ZYG11B: variants seen among roughly 807,000 people sequenced by gnomAD.
ZYG11B encodes the protein zyg-11 family member B, cell cycle regulator.
ZYG11B carries 36 observed loss-of-function variants against 82.4 expected under a neutral mutation model. The observed-to-expected ratio is 0.44, with a 90% CI of 0.33 to 0.58. ZYG11B has a LOEUF of 0.58. Among genes scored for constraint, ZYG11B ranks in the 20% least tolerant of loss-of-function variants. The pLI, the probability that ZYG11B is intolerant of heterozygous loss-of-function variation, is 0.02. For synonymous variants in ZYG11B, 303 were observed against 312.8 expected (o/e 0.97, Z 0.33); for missense variants, 552 against 895.6 (o/e 0.62, Z 4.90).
intron 6 of ZYG11B, among the ~76,000 whole-genome samples, chr1:52,794,725 G>A (rs1644993307): frequency 6.6e-6 from 1 of 152,030 alleles, no homozygotes; most frequent in African/African-American, 2.4e-5. Flanking sequence ...TGAAACTGTG[G>A]GTAAGATAAT....
intron 12 of ZYG11B, among the ~76,000 whole-genome samples, chr1:52,814,416 G>GT: frequency 6.6e-6 from 1 of 152,210 alleles, no homozygotes; most frequent in East Asian, 1.9e-4. Flanking sequence ...TTGAAGACAA[G>GT]TGCTAGGAAT....
intron 1 of ZYG11B, among the ~76,000 whole-genome samples, chr1:52,729,601 G>C (rs989121950): frequency 1.3e-5 from 2 of 152,220 alleles, no homozygotes; most frequent in Admixed American, 1.3e-4. Context: ...ATTAGGTTGT[G>C]TTTGAATAGT....
chr1:52,743,822 A>G (rs138689802), intron 1 of ZYG11B, among the ~76,000 whole-genome samples: 1 of 152,188 alleles, frequency 6.6e-6, no homozygotes, highest in African/African-American at 2.4e-5. Context: ...TCACTGATTC[A>G]ACTGATATAT....
chr1:52,797,203 TATATATA>T (rs1285707752), intron 8 of ZYG11B, among the ~76,000 whole-genome samples: 380 of 80,414 alleles, frequency 4.7e-3, no homozygotes, highest in Non-Finnish European at 7.0e-3. Context: ...ATAAATTATT[TATATATA>T]ATATATAAAT....
chr1:52,752,282 A>G (rs1167322619), intron 1 of ZYG11B, among the ~76,000 whole-genome samples: 6 of 152,184 alleles, frequency 3.9e-5, no homozygotes, highest in East Asian at 1.9e-4. Context: ...TAAAGGATAC[A>G]AATGAACAGC....
At chr1:52,768,749 A>T (rs1373574912) in intron 2 of ZYG11B, among the ~76,000 whole-genome samples, 1 of 151,750 alleles carries the variant, frequency 6.6e-6, no homozygotes, top group African/African-American at 2.4e-5. Context: ...GCGCACCACC[A>T]CACCCATTTA....
intron 3 of ZYG11B, among the ~76,000 whole-genome samples, chr1:52,773,619 A>C (rs1644775241): frequency 4.2e-5 from 1 of 23,846 alleles, no homozygotes; most frequent in African/African-American, 1.3e-4. Context: ...ATATATATAT[A>C]TATATATATT....
At chr1:52,818,998 T>G (rs533758203) in intron 13 of ZYG11B, among the ~76,000 whole-genome samples, 24 of 152,132 alleles carry the variant, frequency 1.6e-4, no homozygotes, top group Non-Finnish European at 2.5e-4. Flanking sequence ...TTCACAATTT[T>G]GGCCAGACTG....
chr1:52,783,891 T>TACACGTGTGTGTGTATGTACAG (rs1644884636), intron 4 of ZYG11B, among the ~76,000 whole-genome samples: 2 of 129,630 alleles, frequency 1.5e-5, no homozygotes, highest in Admixed American at 7.5e-5. Context: ...TATATGTACA[T>TACACGTGTGTGTGTATGTACAG]ACACGTGTGT....
chr1:52,743,427 A>G (rs1005706273), intron 1 of ZYG11B, among the ~76,000 whole-genome samples: 5 of 138,684 alleles, frequency 3.6e-5, no homozygotes, highest in African/African-American at 7.9e-5. Flanking sequence ...AAAAAAAAGT[A>G]AAAGTTCATA....
intron 4 of ZYG11B, among the ~76,000 whole-genome samples, chr1:52,781,388 A>G (rs1342784122): frequency 6.6e-6 from 1 of 152,194 alleles, no homozygotes; most frequent in Non-Finnish European, 1.5e-5. Context: ...AGTCCCAGCT[A>G]CATGGGACAC....
chr1:52,729,816 CT>C (rs1019983074), intron 1 of ZYG11B, among the ~76,000 whole-genome samples: 69 of 148,992 alleles, frequency 4.6e-4, no homozygotes, highest in Admixed American at 6.0e-4. Context: ...GGTGGCAGTT[CT>C]TTTTTTTTTG....
intron 1 of ZYG11B, among the ~76,000 whole-genome samples, chr1:52,731,707 A>C (rs2149916595): frequency 6.6e-6 from 1 of 152,292 alleles, no homozygotes; most frequent in African/African-American, 2.4e-5. Context: ...ATACTAAGAA[A>C]AAATAAACCA....
chr1:52,826,856 CA>C lies in ZYG11B; in HGVS notation c.*5230del, dbSNP rs1645329179. 1 of 152,072 alleles carries C rather than the reference CA, an allele frequency of 6.6e-6. No homozygotes were observed. The highest frequency in any genetic ancestry group is 1.5e-5 in the Non-Finnish European group (1 of 68,002). The allele number at this position is 152,072 out of a possible 1,614,324, so 9.4% of individuals were successfully genotyped here. ...TGGACTTATTTTGGGAAAAACTGTT[CA>C]AATTGGGTCCTTTTAAGCTTATTTT... is the stretch of plus-strand genomic sequence containing the variant. On this transcript the variant is annotated 3_prime_UTR_variant, in exon 14 of 14. Coordinates refer to ENST00000294353, the MANE Select transcript of ZYG11B (RefSeq NM_024646.3).
At chr1:52,732,081 G>A (rs929293196) in intron 1 of ZYG11B, among the ~76,000 whole-genome samples, 3 of 152,202 alleles carry the variant, frequency 2.0e-5, no homozygotes, top group African/African-American at 7.2e-5. Context: ...GGGATTACAG[G>A]CCTGAGCCAT....
At chr1:52,789,697 GCTCT>G (rs1644940200) in intron 5 of ZYG11B, among the ~76,000 whole-genome samples, 1 of 152,020 alleles carries the variant, frequency 6.6e-6, no homozygotes, top group Admixed American at 6.6e-5. Flanking sequence ...TTTTTGTCAT[GCTCT>G]CTATCTCAAA....
chr1:52,755,697 G>A (rs771205443), intron 1 of ZYG11B, among the ~76,000 whole-genome samples: 1 of 151,952 alleles, frequency 6.6e-6, no homozygotes, highest in Non-Finnish European at 1.5e-5. Context: ...TGGAGACAGG[G>A]TTTCTCCATG....
chr1:52,768,596 CT>C (rs142493514), intron 2 of ZYG11B, among the ~76,000 whole-genome samples: 102 of 136,778 alleles, frequency 7.5e-4, no homozygotes, highest in Non-Finnish European at 8.7e-4. Context: ...CCTTCTTCCT[CT>C]TTTTTTTTTT....
At chr1:52,764,909 A>T (rs12038438) in intron 2 of ZYG11B, among the ~76,000 whole-genome samples, 90,086 of 151,984 alleles carry the variant, frequency 0.59, 29,436 homozygotes, top group East Asian at 0.97. Context: ...TTTCCCCAGT[A>T]AACTAGTGTT....
Sources: allele counts gnomAD v4.1 joint callset (sites outside exome capture counted in the v4.1 genomes callset), GRCh38; gene constraint gnomAD v4.1.1; transcripts MANE v1.5; gene names NCBI Gene and HGNC (gene_info 2026-07-23, HGNC 2026-07-21).